The following LARP1B variants were observed in gnomAD, a reference collection of about 807,000 sequenced individuals.
LARP1B encodes la-related protein 1B.
A neutral mutation model predicts 114.2 loss-of-function variants in LARP1B; 76 were observed. The observed-to-expected ratio is 0.67, with a 90% CI of 0.55 to 0.81. The LOEUF is 0.81. Ranked by LOEUF, LARP1B falls within the 30% of genes least tolerant of loss-of-function variation. The probability of loss-of-function intolerance (pLI) is 0.00; values close to 1 mark genes in which losing one functional copy is unlikely to be tolerated. For missense variants in LARP1B, 1,014 were observed against 1,075.8 expected, an observed-to-expected ratio of 0.94 and a Z score of 0.80; for synonymous variants, 345 against 348.0, an observed-to-expected ratio of 0.99 and a Z score of 0.10.
chr4:128,115,696 C>G (rs1169366468), intron 10 of LARP1B, among the ~76,000 whole-genome samples: 1 of 152,158 alleles, frequency 6.6e-6, no homozygotes, highest in Admixed American at 6.5e-5. Context: ...GCTCTGTCGC[C>G]CAGGCTGGGG....
chr4:128,098,335 T>C lies in LARP1B; in HGVS notation c.813+5T>C. 6.3e-7 allele frequency: 1 copy of C among 1,592,876 alleles called. No individual in the cohort carries two copies. Among genetic ancestry groups the C allele is most frequent in the African/African-American group, 1.3e-5 (1 of 74,562 alleles). On this transcript the variant is annotated splice_donor_5th_base_variant and intron_variant, in intron 8 of 19. Coordinates refer to ENST00000326639, the MANE Select transcript of LARP1B (RefSeq NM_018078.4). The stretch of plus-strand genomic sequence containing the variant: ...AACCTTAATCTCATCTTAGAGGTAA[T>C]TGCTCATTTGATGAACAATTTGTAC...
chr4:128,084,698 A>G (rs1262518771), intron 5 of LARP1B, among the ~76,000 whole-genome samples: 7 of 152,060 alleles, frequency 4.6e-5, no homozygotes, highest in Non-Finnish European at 1.0e-4. Flanking sequence ...AGCGAATCAC[A>G]TGGGAGTATG....
At chr4:128,149,229 G>A (rs888791280) in intron 11 of LARP1B, among the ~76,000 whole-genome samples, 2 of 152,182 alleles carry the variant, frequency 1.3e-5, no homozygotes, top group Middle Eastern at 3.2e-3. Flanking sequence ...TTAAATGTTA[G>A]CACTACAGTA....
chr4:128,122,153 A>C lies in LARP1B; in HGVS notation c.1489A>C (p.Met497Leu). ...ATACTATTATGAACAGGATCTATGGATGGAAGAAGATGAAAACAAACACAC... is the reference window on the plus strand; with the variant it reads ...ATACTATTATGAACAGGATCTATGGCTGGAAGAAGATGAAAACAAACACAC... ...GLYYYEQDLW[M>L]EEDENKHTAI... is the part of the protein sequence containing the mutation. Residue 497 changes from methionine (M) to leucine (L), a missense_variant, in exon 11 of 20, where the codon ATG (methionine) becomes CTG (leucine). Transcript: ENST00000326639. 2 of 1,613,884 alleles carry C rather than the reference A, an allele frequency of 1.2e-6. No individual in the cohort carries two copies. The highest frequency in any genetic ancestry group is 2.2e-5 in the South Asian group (2 of 91,032).
intron 15 of LARP1B, among the ~76,000 whole-genome samples, chr4:128,181,672 G>A (rs909514065): frequency 6.6e-5 from 10 of 152,008 alleles, no homozygotes; most frequent in African/African-American, 1.7e-4. Context: ...CAAAGTGAAG[G>A]TTTGTGGCAC....
At chr4:128,181,233 G>A (rs1258841015) in intron 15 of LARP1B, among the ~76,000 whole-genome samples, 1 of 148,950 alleles carries the variant, frequency 6.7e-6, no homozygotes, top group African/African-American at 2.5e-5. Flanking sequence ...TCCCATTCTG[G>A]AGTGCAATGG....
intron 11 of LARP1B, among the ~76,000 whole-genome samples, chr4:128,161,253 C>G (rs1403935384): frequency 1.3e-5 from 2 of 152,120 alleles, no homozygotes; most frequent in African/African-American, 2.4e-5. Context: ...TTAAGTTCAC[C>G]TGTGGCCAAG....
chr4:128,104,372 A>G (rs1378659528), intron 8 of LARP1B, among the ~76,000 whole-genome samples: 1 of 152,146 alleles, frequency 6.6e-6, no homozygotes, highest in Non-Finnish European at 1.5e-5. Context: ...GGTGTATAGC[A>G]GTTGTTTACT....
intron 9 of LARP1B, chr4:128,108,558 CAT>C (rs766644081): frequency 1.6e-5 from 16 of 985,504 alleles, no homozygotes; most frequent in Admixed American, 1.2e-4. Context: ...CTATTTTTAT[CAT>C]ATGTTTCTTT....
In LARP1B at chr4:128,182,547, G is replaced by C. The variant is rs929587972; in HGVS notation, c.2003+3035G>C. Among the ~76,000 whole-genome samples the C allele has an allele frequency of 4.6e-5, 7 of 152,112 alleles. No homozygotes were observed. The South Asian group carries it at 8.3e-4, about 18-fold the overall frequency. On this transcript the variant is annotated intron_variant, in intron 15 of 19. Coordinates refer to ENST00000326639, the MANE Select transcript of LARP1B (RefSeq NM_018078.4). ...TTGTATGTTTTCTGGCTGCTCCACT[G>C]ACTGGCCATTTCTCCATCTCTCCCC... is the stretch of plus-strand genomic sequence containing the variant.
At chr4:128,147,975 TA>T (rs1229757840) in intron 11 of LARP1B, among the ~76,000 whole-genome samples, 2 of 152,200 alleles carry the variant, frequency 1.3e-5, no homozygotes, top group East Asian at 3.8e-4. Flanking sequence ...ATTGATTATC[TA>T]ATGAGAGCTA....
intron 3 of LARP1B, among the ~76,000 whole-genome samples, chr4:128,077,318 C>T (rs1207085449): frequency 6.0e-5 from 9 of 151,038 alleles, no homozygotes; most frequent in Non-Finnish European, 1.2e-4. Flanking sequence ...ACCAACATGG[C>T]GAAACCCCCT....
chr4:128,207,667 C>G (rs890677129), intron 19 of LARP1B, among the ~76,000 whole-genome samples: 1 of 152,158 alleles, frequency 6.6e-6, no homozygotes, highest in African/African-American at 2.4e-5. Context: ...TTAATTTTTA[C>G]CTGATATGCT....
At chr4:128,124,832 T>C (rs1208493989) in intron 11 of LARP1B, among the ~76,000 whole-genome samples, 1 of 152,180 alleles carries the variant, frequency 6.6e-6, no homozygotes, top group Non-Finnish European at 1.5e-5. Flanking sequence ...TGTGTTGTTG[T>C]GGAAGTCAAA....
At chr4:128,219,821 A>G (rs1759856429) in intron 6 of LARP1B, among the ~76,000 whole-genome samples, 1 of 151,834 alleles carries the variant, frequency 6.6e-6, no homozygotes, top group African/African-American at 2.4e-5. Context: ...ATAAATAAAT[A>G]AATAAATAAA....
At chr4:128,131,024 G>A (rs965484970) in intron 11 of LARP1B, among the ~76,000 whole-genome samples, 4 of 152,238 alleles carry the variant, frequency 2.6e-5, no homozygotes, top group Non-Finnish European at 4.4e-5. Context: ...CCAATGGTTG[G>A]AAGGGGAAGA....
intron 1 of LARP1B, among the ~76,000 whole-genome samples, chr4:128,063,427 CAAAAAAAAAA>C (rs763868048): frequency 0.12 from 1,619 of 13,134 alleles, 51 homozygotes; most frequent in African/African-American, 0.31. Context: ...GACCCACTCT[CAAAAAAAAAA>C]AAAAAAAAAA....
chr4:128,192,130 C>T (rs1366330539), intron 15 of LARP1B, among the ~76,000 whole-genome samples: 1 of 152,120 alleles, frequency 6.6e-6, no homozygotes, highest in African/African-American at 2.4e-5. Context: ...ATTTTGGTGA[C>T]ATCATTGTCT....
Position 128,210,064 on chromosome 4 carries a change from C to T in LARP1B, c.*11C>T, listed in dbSNP as rs375566414. 6.2e-7 allele frequency: 1 copy of T among 1,613,684 alleles called. No individual in the cohort carries two copies. Among genetic ancestry groups the T allele is most frequent in the African/African-American group, 1.3e-5 (1 of 74,910 alleles). The stretch of plus-strand genomic sequence containing the variant: ...GACAATTCACATTAAACAGTGCTGC[C>T]TGTGTCCTGTGGTCTCAAGAAATGG... On this transcript the variant is annotated 3_prime_UTR_variant, in exon 20 of 20. Transcript: ENST00000326639.
Sources: gnomAD v4.1 joint callset for allele counts (sites outside exome capture counted in the v4.1 genomes callset) on GRCh38, gnomAD v4.1.1 for gene constraint, MANE v1.5 for transcripts, NCBI Gene and HGNC (gene_info 2026-07-23, HGNC 2026-07-21) for gene names.